CCDC83: variants seen among roughly 807,000 people sequenced by gnomAD.
The protein encoded by CCDC83 is coiled-coil domain containing 83.
A neutral mutation model predicts 50.1 loss-of-function variants in CCDC83; 54 were observed. The ratio of observed to expected loss-of-function variants is 1.08; its 90% CI spans 0.87 to 1.35. The LOEUF is 1.35. Ranked by LOEUF, CCDC83 falls within the 40% of genes most tolerant of loss-of-function variation. The pLI is 0.00. For missense variants in CCDC83, 518 were observed against 473.9 expected, an observed-to-expected ratio of 1.09 and a Z score of -0.86; for synonymous variants, 161 against 153.3, an observed-to-expected ratio of 1.05 and a Z score of -0.37.
At position 85,894,363 on chromosome 11, in the gene CCDC83, T is replaced by C. The variant is rs555744649; in HGVS notation, c.512-930T>C. Among the ~76,000 whole-genome samples, 4 of 152,338 alleles carry C rather than the reference T, an allele frequency of 2.6e-5. No homozygotes were observed. The South Asian group carries it at 8.3e-4, about 32-fold the overall frequency. The stretch of plus-strand genomic sequence containing the variant: ...ATTCCAAACAATTGCCCTGCCTATG[T>C]TACATAAATAAAGCACAACTAATGG... On this transcript the variant is annotated intron_variant, in intron 5 of 10. Coordinates refer to ENST00000342404, the MANE Select transcript of CCDC83 (RefSeq NM_001286159.2).
At chr11:85,878,775 C>A (rs1396631644) in intron 3 of CCDC83, among the ~76,000 whole-genome samples, 1 of 152,132 alleles carries the variant, frequency 6.6e-6, no homozygotes, top group African/African-American at 2.4e-5. Context: ...ACTGGCTGTA[C>A]CTTTTACATT....
chr11:85,890,620 A>T (rs1010223571), intron 5 of CCDC83, among the ~76,000 whole-genome samples: 8 of 152,180 alleles, frequency 5.3e-5, no homozygotes, highest in Non-Finnish European at 1.2e-4. Context: ...GTCAGCCTTA[A>T]ATGCCAGCTA....
At chr11:85,873,378 T>C (rs2093251034) in intron 3 of CCDC83, 83 bp downstream of exon 3, 2 of 521,866 alleles carry the variant, frequency 3.8e-6, no homozygotes, top group East Asian at 3.4e-5. Context: ...TGGTGAAATA[T>C]ACTCTAGGAA....
At position 85,860,084 on chromosome 11, in the gene CCDC83, C is replaced by G. The variant is rs185327607; in HGVS notation, c.-29+4500C>G. On this transcript the variant is annotated intron_variant, in intron 1 of 10. Transcript: ENST00000342404. ...CAGTCAGATCACAAGGTCAGGAGAT[C>G]GAGATAGTCCTGGCTAACACGGTGA... Among the ~76,000 whole-genome samples, 362 of 151,950 alleles carry G rather than the reference C, an allele frequency of 2.4e-3. 4 individuals carry two copies. Among genetic ancestry groups the G allele is most frequent in the African/African-American group, 8.3e-3 (345 of 41,458 alleles).
At chr11:85,864,060 G>T (rs1419460467) in intron 1 of CCDC83, among the ~76,000 whole-genome samples, 1 of 152,188 alleles carries the variant, frequency 6.6e-6, no homozygotes, top group African/African-American at 2.4e-5. Flanking sequence ...CAGGGTCACA[G>T]AGATAACAGT....
Position 85,911,409 on chromosome 11 carries a change from A to T in CCDC83, c.794+7A>T. On this transcript the variant is annotated splice_region_variant and intron_variant, in intron 8 of 10. Coordinates refer to ENST00000342404, the MANE Select transcript of CCDC83 (RefSeq NM_001286159.2). ...TGGATCTCAAGATACCCAGGTGAAAATTGTTAATATATAGAGAGTATTTTG... is the reference window on the plus strand; with the variant it reads ...TGGATCTCAAGATACCCAGGTGAAATTTGTTAATATATAGAGAGTATTTTG... The T allele has an allele frequency of 1.3e-6, 2 of 1,578,718 alleles. No individual in the cohort carries two copies. Among genetic ancestry groups the T allele is most frequent in the Non-Finnish European group, 1.7e-6 (2 of 1,165,182 alleles).
chr11:85,872,855 C>T (rs76464398), intron 2 of CCDC83, among the ~76,000 whole-genome samples: 21,315 of 152,050 alleles, frequency 0.14, 1,805 homozygotes, highest in Middle Eastern at 0.2. Context: ...TAGATTTGTT[C>T]GTCGTTTTTG....
In CCDC83 at chr11:85,893,521, G is replaced by C. The variant is rs529707699; in HGVS notation, c.512-1772G>C. Among the ~76,000 whole-genome samples the C allele has an allele frequency of 6.6e-4, 100 of 152,316 alleles. 1 individual carries two copies. Among genetic ancestry groups the C allele is most frequent in the Middle Eastern group, 3.4e-3 (1 of 294 alleles). On this transcript the variant is annotated intron_variant, in intron 5 of 10. Coordinates refer to ENST00000342404, the MANE Select transcript of CCDC83 (RefSeq NM_001286159.2). ...CTTTGAAACAACGCCCTAAGTCAGGGGTTCCCCAACCCCCAAGGCCACAGG... is the reference window on the plus strand; with the variant it reads ...CTTTGAAACAACGCCCTAAGTCAGGCGTTCCCCAACCCCCAAGGCCACAGG...
intron 7 of CCDC83, among the ~76,000 whole-genome samples, chr11:85,909,608 A>ATTTTTTTTTT (rs1236462113): frequency 1.5e-5 from 1 of 65,058 alleles, no homozygotes; most frequent in Non-Finnish European, 3.1e-5. Context: ...ATCAAAATAC[A>ATTTTTTTTTT]CTTTTTTTTT....
In CCDC83 at chr11:85,895,297, C is replaced by CAAAAA; in HGVS notation, c.516_517insAAAAA (p.Tyr173LysfsTer14). ...TTTTTTTTTTTTTTTTTAAAGAACA[C>CAAAAA]TATAAAATCACTCTGGAAGATACTA... On this transcript the variant is annotated frameshift_variant, in exon 6 of 11. Coordinates refer to ENST00000342404, the MANE Select transcript of CCDC83 (RefSeq NM_001286159.2). LOFTEE classifies it high-confidence loss of function. The CAAAAA allele has an allele frequency of 1.7e-6, 1 of 592,204 alleles. No homozygotes were observed. Among genetic ancestry groups the CAAAAA allele is most frequent in the Non-Finnish European group, 2.8e-6 (1 of 357,004 alleles). The allele number at this position is 592,204 out of a possible 1,614,324, so 36.7% of individuals were successfully genotyped here.
intron 8 of CCDC83, among the ~76,000 whole-genome samples, chr11:85,911,867 G>A (rs767139980): frequency 2.6e-5 from 4 of 152,096 alleles, no homozygotes; most frequent in Non-Finnish European, 5.9e-5. Context: ...TCTGTAGGCC[G>A]AGAAAAGGGC....
intron 7 of CCDC83, among the ~76,000 whole-genome samples, chr11:85,904,399 G>A (rs2093416073): frequency 6.6e-6 from 1 of 152,156 alleles, no homozygotes; most frequent in Non-Finnish European, 1.5e-5. Flanking sequence ...CCTGTTTCTG[G>A]TTTATGAGGA....
intron 4 of CCDC83, among the ~76,000 whole-genome samples, chr11:85,884,234 T>C (rs2093315612): frequency 1.3e-5 from 2 of 152,004 alleles, no homozygotes; most frequent in Admixed American, 1.3e-4. Context: ...CTCACAGACA[T>C]GGAGGAAGAG....
intron 2 of CCDC83, among the ~76,000 whole-genome samples, chr11:85,872,400 G>A (rs748093800): frequency 7.2e-5 from 11 of 151,982 alleles, no homozygotes; most frequent in African/African-American, 1.4e-4. Flanking sequence ...CAGGACAATC[G>A]CTTGAACCCA....
chr11:85,898,939 T>C lies in CCDC83; in HGVS notation c.604-8T>C, dbSNP rs1252696843. 6.2e-7 allele frequency: 1 copy of C among 1,604,576 alleles called. No homozygotes were observed. Among genetic ancestry groups the C allele is most frequent in the African/African-American group, 1.3e-5 (1 of 74,724 alleles). On this transcript the variant is annotated splice_region_variant and splice_polypyrimidine_tract_variant and intron_variant, in intron 6 of 10. Transcript: ENST00000342404. The stretch of plus-strand genomic sequence containing the variant: ...CAACTCTTCCTTAATCCAGAAACTT[T>C]CTTTTAGAATGCTGTAAAGCTCATT...
At chr11:85,915,297 T>C in intron 8 of CCDC83, 122 bp from the exon 9 acceptor site, 1 of 692,670 alleles carries the variant, frequency 1.4e-6, no homozygotes, top group Non-Finnish European at 2.5e-6. Context: ...CTCCTCAGGG[T>C]AGAAATTATG....
rs560710669 is a variant in CCDC83 at position 85,889,248 on chromosome 11, A to G, written c.511+2881A>G. On this transcript the variant is annotated intron_variant, in intron 5 of 10. Coordinates refer to ENST00000342404, the MANE Select transcript of CCDC83 (RefSeq NM_001286159.2). ...CACACCTGCAGTTCCAGCTCCTGTG[A>G]GGCTTAGGTGGGAGGACGACCTGAG... Among the ~76,000 whole-genome samples the G allele has an allele frequency of 2.0e-5, 3 of 152,312 alleles. No homozygotes were observed. The East Asian group carries it at 5.8e-4, about 29-fold the overall frequency.
chr11:85,869,107 T>G (rs907145324), intron 2 of CCDC83, among the ~76,000 whole-genome samples: 5 of 152,230 alleles, frequency 3.3e-5, no homozygotes, highest in Admixed American at 1.3e-4. Context: ...GTACTAACAC[T>G]CAGTGATGAA....
chr11:85,873,111 T>G (rs1049711281), intron 2 of CCDC83, 100 bp from the exon 3 acceptor site: 1 of 533,284 alleles, frequency 1.9e-6, no homozygotes, highest in Non-Finnish European at 3.2e-6. Flanking sequence ...TAAATGTGTT[T>G]TCATAATACA....
Sources: gnomAD v4.1 joint callset for allele counts (sites outside exome capture counted in the v4.1 genomes callset) on GRCh38, gnomAD v4.1.1 for gene constraint, MANE v1.5 for transcripts, NCBI Gene and HGNC (gene_info 2026-07-23, HGNC 2026-07-21) for gene names.